The following DNAH8 variants were observed in gnomAD, a reference collection of about 807,000 sequenced individuals.
DNAH8 encodes dynein axonemal heavy chain 8.
Under a neutral mutation model 562.1 loss-of-function variants are expected in DNAH8, and 382 were observed. The ratio of observed to expected loss-of-function variants is 0.68; its 90% CI spans 0.63 to 0.74. The LOEUF (loss-of-function observed/expected upper bound fraction) is 0.74, where lower values mean the gene tolerates loss of function less well. Ranked by LOEUF, DNAH8 falls within the 30% of genes least tolerant of loss-of-function variation. The probability of loss-of-function intolerance (pLI) is 0.00; values close to 1 mark genes in which losing one functional copy is unlikely to be tolerated. For synonymous variants in DNAH8, 1,881 were observed against 1,919.4 expected, an observed-to-expected ratio of 0.98 and a Z score of 0.52; for missense variants, 5,203 against 5,620.4, an observed-to-expected ratio of 0.93 and a Z score of 2.37.
intron 35 of DNAH8, among the ~76,000 whole-genome samples, chr6:38,844,593 C>T (rs563304415): frequency 6.6e-6 from 1 of 152,248 alleles, no homozygotes; most frequent in Admixed American, 6.5e-5. Flanking sequence ...TATAGCCATT[C>T]GTAGGCTGTG....
intron 22 of DNAH8, 34 bp from the exon 23 acceptor site, chr6:38,805,447 A>C: frequency 1.5e-6 from 2 of 1,363,066 alleles, no homozygotes; most frequent in Non-Finnish European, 2.1e-6. Context: ...TAAAAAGTCA[A>C]ATGTTATATT....
chr6:38,739,170 G>A (rs2062268660), intron 7 of DNAH8, among the ~76,000 whole-genome samples: 1 of 151,904 alleles, frequency 6.6e-6, no homozygotes, highest in South Asian at 2.1e-4. Context: ...CATTTTTGGA[G>A]GTTAAATAAT....
At position 38,990,005 on chromosome 6, in the gene DNAH8, C is replaced by T. The variant is rs1417468449; in HGVS notation, c.13054-7C>T. 6.5e-7 allele frequency: 1 copy of T among 1,547,286 alleles called. No individual in the cohort carries two copies. The highest frequency in any genetic ancestry group is 8.8e-7 in the Non-Finnish European group (1 of 1,136,162). On this transcript the variant is annotated splice_polypyrimidine_tract_variant and splice_region_variant and intron_variant, in intron 87 of 92. Coordinates refer to ENST00000327475, the MANE Select transcript of DNAH8 (RefSeq NM_001206927.2). ...ATTTTATTTCTTTTGTTTTCTCTCACATACAGGTCTGGTTCAGTGAGAAGA... is the reference window on the plus strand; with the variant it reads ...ATTTTATTTCTTTTGTTTTCTCTCATATACAGGTCTGGTTCAGTGAGAAGA...
At chr6:38,725,304 T>TATAATA (rs10526350) in intron 3 of DNAH8, among the ~76,000 whole-genome samples, 12,472 of 135,266 alleles carry the variant, frequency 0.092, 639 homozygotes, top group East Asian at 0.12. Context: ...CTCCAACTCA[T>TATAATA]ATAATAATAA....
chr6:38,795,401 A>T (rs1024682369), intron 21 of DNAH8, among the ~76,000 whole-genome samples: 1 of 152,136 alleles, frequency 6.6e-6, no homozygotes, highest in Non-Finnish European at 1.5e-5. Flanking sequence ...AACACGGTGA[A>T]ACCCCGTCTC....
At chr6:38,926,293 G>C in intron 74 of DNAH8, 83 bp downstream of exon 74, 1 of 1,456,690 alleles carries the variant, frequency 6.9e-7, no homozygotes, top group Non-Finnish European at 9.3e-7. Flanking sequence ...CAGTCATAAA[G>C]TTGTCATCTC....
At chr6:38,955,197 C>A (rs538966207) in intron 82 of DNAH8, among the ~76,000 whole-genome samples, 1 of 152,250 alleles carries the variant, frequency 6.6e-6, no homozygotes, top group South Asian at 2.1e-4. Flanking sequence ...TGGTCTTGAA[C>A]TCCTGAGCTC....
At chr6:38,768,875 G>A (rs886447249) in intron 11 of DNAH8, among the ~76,000 whole-genome samples, 5 of 152,068 alleles carry the variant, frequency 3.3e-5, no homozygotes, top group South Asian at 2.1e-4. Context: ...AGGATTCCAT[G>A]TTTTCCTCTA....
At chr6:38,972,657 G>A (rs1375349100) in intron 83 of DNAH8, among the ~76,000 whole-genome samples, 1 of 152,032 alleles carries the variant, frequency 6.6e-6, no homozygotes, top group Non-Finnish European at 1.5e-5. Context: ...AACTTCCATG[G>A]TCTGTTTGTC....
rs773997433 is a variant in DNAH8, at chr6:38,826,181, C to T, written c.3873C>T (p.Ile1291=). 8 of 1,607,268 alleles carry T rather than the reference C, an allele frequency of 5.0e-6. No individual in the cohort carries two copies. The highest frequency in any genetic ancestry group is 2.2e-5 in the South Asian group (2 of 89,220). ...HTEPMKLALS[I]EAKAWKMLLC... is the part of the protein sequence containing the mutation. The stretch of plus-strand genomic sequence containing the variant: ...AGCCGATGAAATTGGCCTTATCCAT[C>T]GAGGCCAAGGCATGGAAGATGTTAC... Residue 1291 remains isoleucine (I), a synonymous_variant, in exon 29 of 93, where the codon ATC becomes ATT. Transcript: ENST00000327475.
chr6:38,829,003 T>A (rs1028534328), intron 30 of DNAH8, among the ~76,000 whole-genome samples: 4 of 152,192 alleles, frequency 2.6e-5, no homozygotes, highest in Non-Finnish European at 5.9e-5. Context: ...CTTTCGTAAC[T>A]TGATTCTTTC....
intron 1 of DNAH8, among the ~76,000 whole-genome samples, chr6:38,715,618 C>T (rs1762212574): frequency 6.6e-6 from 1 of 152,144 alleles, no homozygotes; most frequent in South Asian, 2.1e-4. Flanking sequence ...AGTCTCTACA[C>T]TGGACATCTA....
chr6:38,849,789 A>G (rs1008004934), intron 37 of DNAH8, among the ~76,000 whole-genome samples: 3 of 152,122 alleles, frequency 2.0e-5, no homozygotes, highest in Non-Finnish European at 4.4e-5. Flanking sequence ...ATGTAAATGA[A>G]ACTTTGTTTT....
intron 91 of DNAH8, among the ~76,000 whole-genome samples, chr6:39,017,682 T>C (rs1051723222): frequency 6.6e-6 from 1 of 152,236 alleles, no homozygotes; most frequent in African/African-American, 2.4e-5. Flanking sequence ...GCCAGTCAGT[T>C]GTGTCAGATA....
chr6:38,845,422 A>G (rs993184353), intron 35 of DNAH8, 152 bp from the exon 36 acceptor site: 4 of 616,902 alleles, frequency 6.5e-6, no homozygotes, highest in Admixed American at 2.9e-5. Flanking sequence ...TTGCAACACA[A>G]TGATCTGAAG....
chr6:38,822,920 G>T lies in DNAH8; in HGVS notation c.3606G>T (p.Leu1202Phe), dbSNP rs746549939. 9 of 1,613,340 alleles carry T rather than the reference G, an allele frequency of 5.6e-6. No homozygotes were observed. In the South Asian group the frequency reaches 9.9e-5, roughly 18 times the overall value. Residue 1202 changes from leucine (L) to phenylalanine (F), a missense_variant, in exon 27 of 93, where the codon TTG becomes TTT. Around this residue, in one of 6 missense-constraint regions of DNAH8, gnomAD observed 2,176 missense variants for 2,365.1 expected, o/e 0.92. Coordinates refer to ENST00000327475, the MANE Select transcript of DNAH8 (RefSeq NM_001206927.2). The stretch of plus-strand genomic sequence containing the variant: ...CGGAGCACAAGGATATTTCTAAGTT[G>T]GTCCTGCTCCTTTCTTCCTCTGTAA... ...GVAEHKDISKLVLLLSSSVNS... is the reference protein window; with the variant it reads ...GVAEHKDISKFVLLLSSSVNS...
intron 41 of DNAH8, among the ~76,000 whole-genome samples, chr6:38,853,575 C>G (rs569170679): frequency 6.6e-6 from 1 of 152,046 alleles, no homozygotes; most frequent in Non-Finnish European, 1.5e-5. Flanking sequence ...CACTATTTTC[C>G]CATCATGAAG....
intron 79 of DNAH8, among the ~76,000 whole-genome samples, chr6:38,941,138 C>G (rs2150601867): frequency 6.6e-6 from 1 of 151,434 alleles, no homozygotes; most frequent in African/African-American, 2.4e-5. Context: ...AAAAAGGAAT[C>G]TAGACAGTCC....
intron 53 of DNAH8, among the ~76,000 whole-genome samples, chr6:38,879,304 A>C (rs1174638087): frequency 8.3e-6 from 1 of 119,866 alleles, no homozygotes; most frequent in African/African-American, 2.9e-5. Context: ...AAAAAACAAA[A>C]ACAAAAAAAA....
Sources: gnomAD v4.1 joint callset for allele counts (sites outside exome capture counted in the v4.1 genomes callset) on GRCh38, gnomAD v4.1.1 for gene constraint, gnomAD v4.1.1 regional missense constraint, MANE v1.5 for transcripts, NCBI Gene and HGNC (gene_info 2026-07-23, HGNC 2026-07-21) for gene names.